YTHDC1: variants seen among roughly 807,000 people sequenced by gnomAD.
The protein encoded by YTHDC1 is YTH N6-methyladenosine RNA binding protein C1.
A neutral mutation model predicts 107.0 loss-of-function variants in YTHDC1; 12 were observed. The ratio of observed to expected loss-of-function variants is 0.11; its 90% CI spans 0.07 to 0.18. The LOEUF is 0.18. Ranked by LOEUF, YTHDC1 falls within the 10% of genes least tolerant of loss-of-function variation. The pLI, the probability that YTHDC1 is intolerant of heterozygous loss-of-function variation, is 1.00. For synonymous variants in YTHDC1, 280 were observed against 289.5 expected (o/e 0.97, Z 0.33); for missense variants, 635 against 898.8 (o/e 0.71, Z 3.75).
chr4:68,322,643 T>C lies in YTHDC1; in HGVS notation c.1601+106A>G. 1 of 1,362,198 alleles carries C rather than the reference T, an allele frequency of 7.3e-7. No individual in the cohort carries two copies. Among genetic ancestry groups the C allele is most frequent in the Non-Finnish European group, 9.9e-7 (1 of 1,013,940 alleles). 84.4% of individuals were successfully genotyped at this position (1,362,198 alleles called of 1,614,324 possible). On this transcript the variant is annotated intron_variant, in intron 11 of 16. Coordinates refer to ENST00000344157, the MANE Select transcript of YTHDC1 (RefSeq NM_001031732.4). The surrounding 1 kb of genome is among the most constrained non-coding windows in gnomAD (Gnocchi z 4.8). ...TAGTCCATGCAGCTTGATTTGAGGA[T>C]TTTCTCTTTCTTCTTTACCGCAGGA...
chr4:68,341,519 A>G (rs909851507), intron 1 of YTHDC1, among the ~76,000 whole-genome samples: 6 of 152,060 alleles, frequency 3.9e-5, no homozygotes, highest in Non-Finnish European at 8.8e-5. Context: ...CAGGATAAAC[A>G]TGGCCCATTG....
intron 15 of YTHDC1, among the ~76,000 whole-genome samples, 191 bp downstream of exon 15, chr4:68,318,328 G>A (rs973851937): frequency 1.3e-5 from 2 of 152,056 alleles, no homozygotes; most frequent in African/African-American, 2.4e-5. Flanking sequence ...GGCTGGTCTC[G>A]AACTCTTCAC....
intron 1 of YTHDC1, among the ~76,000 whole-genome samples, chr4:68,348,710 T>A (rs1725720237): frequency 6.6e-6 from 1 of 152,260 alleles, no homozygotes; most frequent in East Asian, 1.9e-4. Context: ...ACACGCCTAA[T>A]GTAACTTGAC....
chr4:68,313,880 G>C lies in YTHDC1; in HGVS notation c.*219C>G. ...ACTGTTCCATTCTGCCCCAATAAAAGTGTCAATTCAACTGTCAGCTGTGGA... is the reference window on the plus strand; with the variant it reads ...ACTGTTCCATTCTGCCCCAATAAAACTGTCAATTCAACTGTCAGCTGTGGA... On this transcript the variant is annotated 3_prime_UTR_variant, in exon 17 of 17. Coordinates refer to ENST00000344157, the MANE Select transcript of YTHDC1 (RefSeq NM_001031732.4). 1.7e-6 allele frequency: 1 copy of C among 591,864 alleles called. No homozygotes were observed. The highest frequency in any genetic ancestry group is 3.0e-6 in the Non-Finnish European group (1 of 335,254). 36.7% of individuals were successfully genotyped at this position (591,864 alleles called of 1,614,324 possible).
At chr4:68,318,460 C>A in intron 15 of YTHDC1, 59 bp downstream of exon 15, 1 of 1,477,526 alleles carries the variant, frequency 6.8e-7, no homozygotes, top group Non-Finnish European at 9.2e-7. Context: ...GAGTAAGCAC[C>A]TGAAATACTA....
At chr4:68,316,983 G>A (rs1730874) in intron 15 of YTHDC1, among the ~76,000 whole-genome samples, 151,448 of 152,332 alleles carry the variant, frequency 0.99, 75,291 homozygotes, top group East Asian at 1. Flanking sequence ...CCATATCCCA[G>A]TGCTTTGGGA....
At chr4:68,344,562 C>T (rs1725208834) in intron 1 of YTHDC1, among the ~76,000 whole-genome samples, 3 of 152,142 alleles carry the variant, frequency 2.0e-5, no homozygotes, top group South Asian at 2.1e-4. Context: ...CTCTTCAGTG[C>T]TGCCTCAATT....
At chr4:68,325,784 T>C (rs961533695) in intron 9 of YTHDC1, among the ~76,000 whole-genome samples, 4 of 152,182 alleles carry the variant, frequency 2.6e-5, no homozygotes, top group East Asian at 1.9e-4. Flanking sequence ...CAAGGTGGTA[T>C]ATTCTGTGAT....
intron 15 of YTHDC1, 97 bp downstream of exon 15, chr4:68,318,422 T>C: frequency 7.9e-7 from 1 of 1,261,604 alleles, no homozygotes; most frequent in Non-Finnish European, 1.1e-6. Context: ...TAAGTCTCTT[T>C]AATGAGTAAC....
chr4:68,333,877 T>C (rs548355948), intron 4 of YTHDC1, among the ~76,000 whole-genome samples: 1 of 152,124 alleles, frequency 6.6e-6, no homozygotes, highest in Admixed American at 6.5e-5. Context: ...ACTGGAAAAA[T>C]ATATATACCA....
chr4:68,336,016 T>C (rs1053204738), intron 4 of YTHDC1, among the ~76,000 whole-genome samples: 11 of 147,868 alleles, frequency 7.4e-5, no homozygotes, highest in African/African-American at 2.5e-4. Flanking sequence ...TAGTATAAAA[T>C]ATATAGTATA....
chr4:68,314,555 C>A (rs1260819636), intron 16 of YTHDC1, among the ~76,000 whole-genome samples: 1 of 152,186 alleles, frequency 6.6e-6, no homozygotes, highest in Non-Finnish European at 1.5e-5. Flanking sequence ...TAGACATCTA[C>A]AACAGATTAT....
chr4:68,346,407 T>A (rs1398464306), intron 1 of YTHDC1, among the ~76,000 whole-genome samples: 2 of 152,152 alleles, frequency 1.3e-5, no homozygotes, highest in African/African-American at 4.8e-5. Flanking sequence ...TGTGTATATA[T>A]ACAGTAGTCC....
In YTHDC1 at chr4:68,312,441, T is replaced by G. The variant is rs1721378230; in HGVS notation, c.*1658A>C. On this transcript the variant is annotated 3_prime_UTR_variant, in exon 17 of 17. Coordinates refer to ENST00000344157, the MANE Select transcript of YTHDC1 (RefSeq NM_001031732.4). Reference sequence around the variant, plus strand: ...TACTGATGAATACACAAAATGCCAATGAAGTGACTTACCATGTATCACTAA... The same window carrying G: ...TACTGATGAATACACAAAATGCCAAGGAAGTGACTTACCATGTATCACTAA... 3 of 152,202 alleles carry G rather than the reference T, an allele frequency of 2.0e-5. No individual in the cohort carries two copies. In the South Asian group the frequency reaches 6.2e-4, roughly 31 times the overall value. 9.4% of individuals were successfully genotyped at this position (152,202 alleles called of 1,614,324 possible). A position where few individuals can be genotyped will look rare whatever the true frequency, so the allele number is the denominator to read the frequency against.
intron 4 of YTHDC1, among the ~76,000 whole-genome samples, chr4:68,334,552 T>C (rs1180929737): frequency 6.6e-6 from 1 of 152,174 alleles, no homozygotes; most frequent in Non-Finnish European, 1.5e-5. Context: ...TGAAAGGTGA[T>C]TACAGGTTTA....
chr4:68,322,478 T>C lies in YTHDC1; in HGVS notation c.1601+271A>G. 2.6e-6 allele frequency: 1 copy of C among 387,422 alleles called. No homozygotes were observed. The highest frequency in any genetic ancestry group is 4.6e-6 in the Non-Finnish European group (1 of 217,480). The allele number at this position is 387,422 out of a possible 1,614,324, so 24.0% of individuals were successfully genotyped here. A position where few individuals can be genotyped will look rare whatever the true frequency, so the allele number is the denominator to read the frequency against. ...CCTACCTCATTTCAATTGTATACAT[T>C]GTATTATCAGAGTATTATCTAATCT... On this transcript the variant is annotated intron_variant, in intron 11 of 16. Transcript: ENST00000344157. The surrounding 1 kb of genome is among the most constrained non-coding windows in gnomAD (Gnocchi z 4.8).
chr4:68,311,604 A>C lies in YTHDC1; in HGVS notation c.*2495T>G, dbSNP rs1721308721. 1 of 152,212 alleles carries C rather than the reference A, an allele frequency of 6.6e-6. No individual in the cohort carries two copies. Among genetic ancestry groups the C allele is most frequent in the South Asian group, 2.1e-4 (1 of 4,834 alleles). 9.4% of individuals were successfully genotyped at this position (152,212 alleles called of 1,614,324 possible). ...ATATACTGACTCTTCTGTACAGAAA[A>C]AAATCTTGCATTTTTTATACAATGT... On this transcript the variant is annotated 3_prime_UTR_variant, in exon 17 of 17. Coordinates refer to ENST00000344157, the MANE Select transcript of YTHDC1 (RefSeq NM_001031732.4).
rs1721359328 is a variant in YTHDC1 at position 68,312,183 on chromosome 4, A to G, written c.*1916T>C. On this transcript the variant is annotated 3_prime_UTR_variant, in exon 17 of 17. Coordinates refer to ENST00000344157, the MANE Select transcript of YTHDC1 (RefSeq NM_001031732.4). Reference sequence around the variant, plus strand: ...AGGTGGTTTAGAAACACCAAATAAAAACATGGGTAAAATCTTGGCCCATCA... The same window carrying G: ...AGGTGGTTTAGAAACACCAAATAAAGACATGGGTAAAATCTTGGCCCATCA... 3 of 152,194 alleles carry G rather than the reference A, an allele frequency of 2.0e-5. No individual in the cohort carries two copies. The highest frequency in any genetic ancestry group is 4.4e-5 in the Non-Finnish European group (3 of 68,032). 9.4% of individuals were successfully genotyped at this position (152,194 alleles called of 1,614,324 possible).
intron 12 of YTHDC1, 107 bp downstream of exon 12, chr4:68,320,016 A>T: frequency 1.1e-6 from 1 of 941,332 alleles, no homozygotes; most frequent in Non-Finnish European, 1.6e-6. Flanking sequence ...TCAGGTCCTG[A>T]ATTTTTTTCA....
Sources: allele counts gnomAD v4.1 joint callset (sites outside exome capture counted in the v4.1 genomes callset), GRCh38; gene constraint gnomAD v4.1.1; non-coding constraint Gnocchi (gnomAD v3.1); transcripts MANE v1.5; gene names NCBI Gene and HGNC (gene_info 2026-07-23, HGNC 2026-07-21).